CFAP54: variants seen among roughly 807,000 people sequenced by gnomAD.
CFAP54 encodes the protein cilia and flagella associated protein 54.
Under a neutral mutation model 370.4 loss-of-function variants are expected in CFAP54, and 290 were observed. That is an observed-to-expected ratio of 0.78 (90% CI 0.71 to 0.86). CFAP54 has a LOEUF of 0.86. CFAP54 is among the 40% of genes least tolerant of loss of function. The pLI, the probability that CFAP54 is intolerant of heterozygous loss-of-function variation, is 0.00. For synonymous variants in CFAP54, 1,206 were observed against 1,236.5 expected, an observed-to-expected ratio of 0.98 and a Z score of 0.52; for missense variants, 3,399 against 3,528.7, an observed-to-expected ratio of 0.96 and a Z score of 0.93.
At chr12:96,731,178 T>A (rs914612757) in intron 50 of CFAP54, among the ~76,000 whole-genome samples, 1 of 152,278 alleles carries the variant, frequency 6.6e-6, no homozygotes, top group Non-Finnish European at 1.5e-5. Context: ...TAGTTACTGC[T>A]GTCTTCATTC....
At chr12:96,508,259 G>A (rs997830801) in intron 4 of CFAP54, among the ~76,000 whole-genome samples, 47 of 146,012 alleles carry the variant, frequency 3.2e-4, no homozygotes, top group African/African-American at 1.2e-3. Context: ...GCCTTCCAAA[G>A]CACTGGGATT....
rs758024758 is a variant in CFAP54, at chr12:96,540,829, C to G, written c.1927-8C>G. 3 of 1,417,316 alleles carry G rather than the reference C, an allele frequency of 2.1e-6. No individual in the cohort carries two copies. The South Asian group carries it at 4.7e-5, about 22-fold the overall frequency. The allele number at this position is 1,417,316 out of a possible 1,614,324, so 87.8% of individuals were successfully genotyped here. On this transcript the variant is annotated splice_polypyrimidine_tract_variant and splice_region_variant and intron_variant, in intron 13 of 67. Coordinates refer to ENST00000524981, the MANE Select transcript of CFAP54 (RefSeq NM_001306084.2). ...TAATTAATTTTGCTGTGTATTTTCT[C>G]TTTTTAGTGGATTTATCTTCTGTGG... is the stretch of plus-strand genomic sequence containing the variant.
chr12:96,529,537 A>T (rs545973900), intron 9 of CFAP54, among the ~76,000 whole-genome samples: 1 of 152,018 alleles, frequency 6.6e-6, no homozygotes, highest in African/African-American at 2.4e-5. Flanking sequence ...TGTCTTTCTC[A>T]TTTTGTCCAT....
chr12:96,709,054 T>G (rs114809483), intron 48 of CFAP54, among the ~76,000 whole-genome samples: 2,307 of 152,320 alleles, frequency 0.015, 72 homozygotes, highest in African/African-American at 0.053. Context: ...TAGGATAGGA[T>G]TTATCATTTA....
intron 1 of CFAP54, among the ~76,000 whole-genome samples, chr12:96,500,250 A>G (rs1438925965): frequency 2.6e-5 from 4 of 152,234 alleles, no homozygotes; most frequent in Non-Finnish European, 5.9e-5. Flanking sequence ...TGGAAAAGGC[A>G]TGACTATGGA....
In CFAP54 at chr12:96,791,102, A is replaced by G. The variant is rs570313929; in HGVS notation, c.8680-1227A>G. Among the ~76,000 whole-genome samples the G allele has an allele frequency of 4.6e-5, 7 of 152,126 alleles. 1 individual carries two copies. In the South Asian group the frequency reaches 1.5e-3, roughly 32 times the overall value. ...ATATCAAAAAGACTGAAGTAGAGGG[A>G]CCAATTCCCAGCTGCCATGCTACAA... On this transcript the variant is annotated intron_variant, in intron 62 of 67. Coordinates refer to ENST00000524981, the MANE Select transcript of CFAP54 (RefSeq NM_001306084.2).
chr12:96,597,807 G>T (rs1053384926), intron 25 of CFAP54, among the ~76,000 whole-genome samples: 1 of 151,764 alleles, frequency 6.6e-6, no homozygotes, highest in African/African-American at 2.4e-5. Flanking sequence ...GGTACATTAT[G>T]TTTTTATACA....
At chr12:96,552,491 G>A (rs1021711434) in intron 15 of CFAP54, among the ~76,000 whole-genome samples, 10 of 151,932 alleles carry the variant, frequency 6.6e-5, no homozygotes, top group African/African-American at 1.2e-4. Flanking sequence ...CTACAGGTCT[G>A]CACCATCATG....
chr12:96,787,920 G>GTT (rs565152172), intron 62 of CFAP54, among the ~76,000 whole-genome samples: 2 of 146,932 alleles, frequency 1.4e-5, no homozygotes, highest in African/African-American at 2.5e-5. Flanking sequence ...TTTTTTTTTG[G>GTT]TTTTTTTTTT....
At chr12:96,782,967 A>G (rs1014929741) in intron 60 of CFAP54, among the ~76,000 whole-genome samples, 7 of 152,212 alleles carry the variant, frequency 4.6e-5, no homozygotes, top group African/African-American at 1.7e-4. Flanking sequence ...ATATTCCTAT[A>G]CTGAAATACT....
At chr12:96,756,836 C>A (rs142925987) in intron 57 of CFAP54, among the ~76,000 whole-genome samples, 296 of 152,272 alleles carry the variant, frequency 1.9e-3, no homozygotes, top group African/African-American at 6.9e-3. Flanking sequence ...GGATGACTGG[C>A]TTCTAAACTG....
At chr12:96,503,136 C>T (rs115089591) in intron 2 of CFAP54, among the ~76,000 whole-genome samples, 4 of 145,756 alleles carry the variant, frequency 2.7e-5, no homozygotes, top group African/African-American at 1.0e-4. Flanking sequence ...CTTTCTCTCT[C>T]TCCTCTTTCT....
rs1160201344 is a variant in CFAP54, at chr12:96,619,954, C to T, written c.3640-1636C>T. On this transcript the variant is annotated intron_variant, in intron 26 of 67. Transcript: ENST00000524981. ...GACATGGTGACTCATGCCTATAATC[C>T]CAGGCATGGGATTTTTAGAGACCCT... 4.6e-5 allele frequency among the ~76,000 whole-genome samples: 7 copies of T among 151,912 alleles called. 2 individuals carry two copies. The highest frequency in any genetic ancestry group is 2.6e-4 in the Admixed American group (4 of 15,254).
At chr12:96,866,045 A>T (rs2136468078) in intron 67 of CFAP54, among the ~76,000 whole-genome samples, 1 of 152,204 alleles carries the variant, frequency 6.6e-6, no homozygotes, top group African/African-American at 2.4e-5. Context: ...CCAAAATTAG[A>T]TATATGCAGA....
At chr12:96,671,790 C>T (rs1199419577) in intron 39 of CFAP54, among the ~76,000 whole-genome samples, 2 of 152,118 alleles carry the variant, frequency 1.3e-5, no homozygotes, top group South Asian at 2.1e-4. Context: ...GGCGTGGTGG[C>T]AGGCGCCTGT....
intron 65 of CFAP54, among the ~76,000 whole-genome samples, chr12:96,818,614 ATGCAGTCATCTGGCACACCTG>A (rs1157737855): frequency 6.6e-6 from 1 of 152,256 alleles, no homozygotes; most frequent in Non-Finnish European, 1.5e-5. Flanking sequence ...CCACCTAGTC[ATGCAGTCATCTGGCACACCTG>A]TGTAACCACA....
At chr12:96,633,524 G>T (rs1956631130) in intron 32 of CFAP54, among the ~76,000 whole-genome samples, 1 of 152,278 alleles carries the variant, frequency 6.6e-6, no homozygotes, top group South Asian at 2.1e-4. Context: ...GAATTTGTAT[G>T]ACCACCACAG....
At chr12:96,526,937 C>T (rs1955389361) in intron 8 of CFAP54, among the ~76,000 whole-genome samples, 1 of 143,192 alleles carries the variant, frequency 7.0e-6, no homozygotes. Flanking sequence ...CTCTGTCACC[C>T]AGGCTGGAGT....
chr12:96,610,409 T>TG lies in CFAP54; in HGVS notation c.3640-11174dup, dbSNP rs796353591. ...AATTCAAAAGATAAACAGGGAGTTA[T>TG]GGGGGGGTGGGGGCTCCCAAGATGG... On this transcript the variant is annotated intron_variant, in intron 26 of 67. Transcript: ENST00000524981. Among the ~76,000 whole-genome samples, 4 of 151,038 alleles carry TG rather than the reference T, an allele frequency of 2.6e-5. No homozygotes were observed. In the South Asian group the frequency reaches 6.3e-4, roughly 24 times the overall value.
Sources: allele counts gnomAD v4.1 joint callset (sites outside exome capture counted in the v4.1 genomes callset), GRCh38; gene constraint gnomAD v4.1.1; transcripts MANE v1.5; gene names NCBI Gene and HGNC (gene_info 2026-07-23, HGNC 2026-07-21).